PHLDB1: variants seen among roughly 807,000 people sequenced by gnomAD.
PHLDB1 encodes pleckstrin homology-like domain family B member 1.
PHLDB1 carries 65 observed loss-of-function variants against 139.3 expected under a neutral mutation model. That is an observed-to-expected ratio of 0.47 (90% confidence interval 0.38 to 0.57). The LOEUF is 0.57. Among genes scored for constraint, PHLDB1 ranks in the 20% least tolerant of loss-of-function variants. The pLI, the probability that PHLDB1 is intolerant of heterozygous loss-of-function variation, is 0.00. For synonymous variants in PHLDB1, 679 were observed against 734.5 expected (o/e 0.92, Z 1.22); for missense variants, 1,624 against 1,839.7 (o/e 0.88, Z 2.14).
intron 15 of PHLDB1, chr11:118,644,461 C>T: frequency 2.1e-6 from 1 of 483,712 alleles, no homozygotes; most frequent in South Asian, 2.1e-5. Context: ...ATTGCCCTCT[C>T]TGGAGGGAGG....
At chr11:118,626,704 T>C (rs1314179405) in intron 5 of PHLDB1, among the ~76,000 whole-genome samples, 9 of 150,554 alleles carry the variant, frequency 6.0e-5, no homozygotes, top group Non-Finnish European at 1.2e-4. Context: ...TGAGACAGTC[T>C]TGCTGTGTCA....
chr11:118,613,906 A>T lies in PHLDB1; in HGVS notation c.60+10A>T, dbSNP rs887581216. The T allele has an allele frequency of 1.5e-5, 24 of 1,574,890 alleles. No individual in the cohort carries two copies. Among genetic ancestry groups the T allele is most frequent in the Non-Finnish European group, 1.8e-5 (21 of 1,145,364 alleles). ...CCAGACCATGGTGCAGGTGAGTGGG[A>T]TCAGGGCTGTGAGGCAAGAGAGATA... On this transcript the variant is annotated intron_variant, in intron 2 of 22. Transcript: ENST00000600882.
intron 4 of PHLDB1, among the ~76,000 whole-genome samples, chr11:118,619,164 A>G (rs1555092327): frequency 6.6e-6 from 1 of 152,124 alleles, no homozygotes; most frequent in African/African-American, 2.4e-5. Context: ...GACCACATGA[A>G]AGATCTGGGA....
intron 6 of PHLDB1, 68 bp from the exon 7 acceptor site, chr11:118,631,139 A>C (rs1944735602): frequency 7.6e-7 from 1 of 1,312,868 alleles, no homozygotes; most frequent in Non-Finnish European, 9.9e-7. Context: ...AGGATACTGA[A>C]CCTGGCTCTA....
At chr11:118,634,793 G>T in intron 9 of PHLDB1, 4 of 212,676 alleles carry the variant, frequency 1.9e-5, no homozygotes, top group Non-Finnish European at 2.0e-5. Context: ...CCCCATTGCC[G>T]ACCCCCATTC....
intron 9 of PHLDB1, chr11:118,635,087 G>A (rs1945419747): frequency 1.9e-6 from 1 of 536,940 alleles, no homozygotes; most frequent in African/African-American, 1.9e-5. Flanking sequence ...CGGCCCCGCG[G>A]GCCACGCCCC....
At position 118,611,828 on chromosome 11, in the gene PHLDB1, A is replaced by AT. The variant is rs58786690; in HGVS notation, c.-21-1988_-21-1987insT. Among the ~76,000 whole-genome samples the AT allele has an allele frequency of 1.1e-3, 151 of 135,266 alleles. No homozygotes were observed. Among genetic ancestry groups the AT allele is most frequent in the East Asian group, 0.011 (48 of 4,468 alleles). 88.7% of individuals were successfully genotyped at this position (135,266 alleles called of 152,430 possible). Reference sequence around the variant, plus strand: ...AGTGAAACTCCGTCTCAAAAAAAAAAAAAAAATAATAATAATAATAATAAA... The same window carrying AT: ...AGTGAAACTCCGTCTCAAAAAAAAAATAAAAAATAATAATAATAATAATAAA... On this transcript the variant is annotated intron_variant, in intron 1 of 22. Transcript: ENST00000600882. The surrounding 1 kb of genome is among the most constrained non-coding windows in gnomAD (Gnocchi z 4.7).
intron 18 of PHLDB1, among the ~76,000 whole-genome samples, chr11:118,648,758 T>G (rs1420971275): frequency 1.3e-5 from 2 of 152,032 alleles, no homozygotes; most frequent in Non-Finnish European, 2.9e-5. Flanking sequence ...AAGGAGAAAT[T>G]GGTTTGGGCT....
Position 118,632,450 on chromosome 11 carries a change from C to T in PHLDB1, c.2379+154C>T. 3 of 805,202 alleles carry T rather than the reference C, an allele frequency of 3.7e-6. No individual in the cohort carries two copies. The highest frequency in any genetic ancestry group is 1.8e-5 in the South Asian group (1 of 57,118). The allele number at this position is 805,202 out of a possible 1,614,324, so 49.9% of individuals were successfully genotyped here. On this transcript the variant is annotated intron_variant, in intron 9 of 22. Coordinates refer to ENST00000600882, the MANE Select transcript of PHLDB1 (RefSeq NM_001144758.3). This position sits in a 1 kb window ranked among gnomAD's most constrained non-coding sequence, Gnocchi z 5.9. ...TTCCAGAGACAGAGTGACTTCTCCT[C>T]CTCTGTGGAAGGAACCAGCTTGGAG...
chr11:118,631,549 A>G, intron 7 of PHLDB1, 70 bp downstream of exon 7: 1 of 1,289,590 alleles, frequency 7.8e-7, no homozygotes, highest in South Asian at 1.9e-5. Flanking sequence ...AGGCTGGTGT[A>G]TCCAATGCCA....
chr11:118,643,978 G>A, intron 14 of PHLDB1, 38 bp downstream of exon 14: 1 of 1,592,396 alleles, frequency 6.3e-7, no homozygotes, highest in Non-Finnish European at 8.6e-7. Context: ...ATGTGGCTGG[G>A]GATGGAGACT....
chr11:118,653,773 A>T (rs1948654447), intron 20 of PHLDB1: 1 of 152,144 alleles, frequency 6.6e-6, no homozygotes, highest in African/African-American at 2.4e-5. Flanking sequence ...AGACCATGGA[A>T]TGGATAAAGG....
At position 118,628,475 on chromosome 11, in the gene PHLDB1, C is replaced by T. The variant is rs1555106561; in HGVS notation, c.1652C>T (p.Ser551Leu). Residue 551 changes from serine (S) to leucine (L), a missense_variant, in exon 6 of 23, where the codon TCA (serine) becomes TTA (leucine). By Grantham distance (145) the Ser-to-Leu change is moderately radical. Transcript: ENST00000600882. ...AYSLGSLTGA[S>L]PCQSPCVQRK... Reference sequence around the variant, plus strand: ...AGTCTGGGCTCTCTTACTGGGGCTTCACCCTGCCAGAGTCCCTGTGTCCAG... The same window carrying T: ...AGTCTGGGCTCTCTTACTGGGGCTTTACCCTGCCAGAGTCCCTGTGTCCAG... 2 of 1,612,860 alleles carry T rather than the reference C, an allele frequency of 1.2e-6. No individual in the cohort carries two copies. The highest frequency in any genetic ancestry group is 8.5e-7 in the Non-Finnish European group (1 of 1,179,914).
intron 15 of PHLDB1, chr11:118,644,719 C>A (rs1231461914): frequency 2.3e-6 from 3 of 1,282,666 alleles, no homozygotes; most frequent in East Asian, 5.6e-5. Context: ...GAGGGCATTG[C>A]TTTGGCCAGG....
At position 118,639,263 on chromosome 11, in the gene PHLDB1, G is replaced by A; in HGVS notation, c.2736+12G>A. 3 of 1,605,598 alleles carry A rather than the reference G, an allele frequency of 1.9e-6. No individual in the cohort carries two copies. Among genetic ancestry groups the A allele is most frequent in the Non-Finnish European group, 2.6e-6 (3 of 1,172,164 alleles). On this transcript the variant is annotated intron_variant, in intron 12 of 22. Coordinates refer to ENST00000600882, the MANE Select transcript of PHLDB1 (RefSeq NM_001144758.3). ...CGACCCTCAAAGAGGTATCATGATTGGATTAGCCCCAGCTTCAGGCCCAAG... is the reference window on the plus strand; with the variant it reads ...CGACCCTCAAAGAGGTATCATGATTAGATTAGCCCCAGCTTCAGGCCCAAG...
Position 118,656,921 on chromosome 11 carries a change from G to T in PHLDB1, c.*98G>T. On this transcript the variant is annotated 3_prime_UTR_variant, in exon 23 of 23. Transcript: ENST00000600882. Reference sequence around the variant, plus strand: ...TGGTCCTGTGAGTTTCTGGGCTCTGGCCTCCTGAAGAACCAGCCAGAAGAA... The same window carrying T: ...TGGTCCTGTGAGTTTCTGGGCTCTGTCCTCCTGAAGAACCAGCCAGAAGAA... The T allele has an allele frequency of 9.1e-7, 1 of 1,099,720 alleles. No individual in the cohort carries two copies. 68.1% of individuals were successfully genotyped at this position (1,099,720 alleles called of 1,614,324 possible). A position where few individuals can be genotyped will look rare whatever the true frequency, so the allele number is the denominator to read the frequency against.
At position 118,656,911 on chromosome 11, in the gene PHLDB1, C is replaced by T; in HGVS notation, c.*88C>T. 2.5e-6 allele frequency: 3 copies of T among 1,210,578 alleles called. No individual in the cohort carries two copies. The highest frequency in any genetic ancestry group is 3.5e-6 in the Non-Finnish European group (3 of 863,470). The allele number at this position is 1,210,578 out of a possible 1,614,324, so 75.0% of individuals were successfully genotyped here. A position where few individuals can be genotyped will look rare whatever the true frequency, so the allele number is the denominator to read the frequency against. Reference sequence around the variant, plus strand: ...GTAAGGAGCTTGGTCCTGTGAGTTTCTGGGCTCTGGCCTCCTGAAGAACCA... The same window carrying T: ...GTAAGGAGCTTGGTCCTGTGAGTTTTTGGGCTCTGGCCTCCTGAAGAACCA... On this transcript the variant is annotated 3_prime_UTR_variant, in exon 23 of 23. Transcript: ENST00000600882.
At position 118,627,779 on chromosome 11, in the gene PHLDB1, A is replaced by G. The variant is rs138171286; in HGVS notation, c.956A>G (p.His319Arg). ...ESPRLSRKGG[H>R]ERPPSPGLRG... ...CCTCGGCTGAGCAGGAAAGGGGGCC[A>G]TGAGAGGCCTCCCAGCCCTGGCCTC... The change falls in exon 6 of 23, where the codon CAT (histidine) becomes CGT (arginine). Residue 319 changes from histidine to arginine, a missense_variant. His to Arg is a conservative substitution (Grantham distance 29). Transcript: ENST00000600882. The G allele has an allele frequency of 3.1e-6, 5 of 1,606,172 alleles. No homozygotes were observed. Among genetic ancestry groups the G allele is most frequent in the Middle Eastern group, 1.7e-4 (1 of 6,030 alleles).
chr11:118,641,227 G>C (rs1311978468), intron 12 of PHLDB1: 1 of 153,300 alleles, frequency 6.5e-6, no homozygotes, highest in Non-Finnish European at 1.5e-5. Context: ...CTGACAGTGA[G>C]GTACCAGCCA....
Sources: allele counts gnomAD v4.1 joint callset (sites outside exome capture counted in the v4.1 genomes callset), GRCh38; gene constraint gnomAD v4.1.1; non-coding constraint Gnocchi (gnomAD v3.1); transcripts MANE v1.5; gene names NCBI Gene and HGNC (gene_info 2026-07-23, HGNC 2026-07-21).